APBA1: variants seen among roughly 807,000 people sequenced by gnomAD.
APBA1 encodes the protein amyloid beta precursor protein binding family A member 1.
A neutral mutation model predicts 86.6 loss-of-function variants in APBA1; 55 were observed. The observed-to-expected ratio is 0.64, with a 90% CI of 0.51 to 0.80. The LOEUF is 0.80. Ranked by LOEUF, APBA1 falls within the 30% of genes least tolerant of loss-of-function variation. The probability of loss-of-function intolerance (pLI) is 0.00; values close to 1 mark genes in which losing one functional copy is unlikely to be tolerated. For synonymous variants in APBA1, 511 were observed against 493.9 expected, an observed-to-expected ratio of 1.03 and a Z score of -0.46; for missense variants, 1,090 against 1,183.0, an observed-to-expected ratio of 0.92 and a Z score of 1.15.
rs1290126899 is a variant in APBA1 at position 69,428,159 on chromosome 9, T to G, written c.*3168A>C. On this transcript the variant is annotated 3_prime_UTR_variant, in exon 13 of 13. Coordinates refer to ENST00000265381, the MANE Select transcript of APBA1 (RefSeq NM_001163.4). ...CTGGGTCGAGGGACCCGGGAAGGGC[T>G]CTGTAGATGGTTTTCATCTGTGTGC... 6.6e-6 allele frequency: 1 copy of G among 152,132 alleles called. No individual in the cohort carries two copies. The highest frequency in any genetic ancestry group is 1.9e-4 in the East Asian group (1 of 5,180). 9.4% of individuals were successfully genotyped at this position (152,132 alleles called of 1,614,324 possible).
chr9:69,499,555 C>T (rs1835849597), intron 2 of APBA1, among the ~76,000 whole-genome samples: 1 of 151,844 alleles, frequency 6.6e-6, no homozygotes, highest in Non-Finnish European at 1.5e-5. Flanking sequence ...TTCGCTCGCC[C>T]TTGTAAGCTT....
chr9:69,445,323 G>A (rs1834889117), intron 10 of APBA1, among the ~76,000 whole-genome samples: 1 of 152,154 alleles, frequency 6.6e-6, no homozygotes, highest in South Asian at 2.1e-4. Context: ...ACGAGACCAT[G>A]CATTTGCTCT....
intron 1 of APBA1, among the ~76,000 whole-genome samples, chr9:69,660,527 C>T (rs1200497854): frequency 3.9e-5 from 6 of 152,174 alleles, no homozygotes; most frequent in Non-Finnish European, 8.8e-5. Flanking sequence ...TTTGCTTTTC[C>T]TCTCTGTCCT....
At chr9:69,577,763 T>C (rs1301205591) in intron 1 of APBA1, among the ~76,000 whole-genome samples, 1 of 152,352 alleles carries the variant, frequency 6.6e-6, no homozygotes, top group African/African-American at 2.4e-5. Context: ...CCACTTAAAA[T>C]CATCTGGCTA....
intron 1 of APBA1, among the ~76,000 whole-genome samples, chr9:69,636,922 G>GAAAGAAAGAAA (rs1823183261): frequency 4.7e-5 from 3 of 63,970 alleles, no homozygotes; most frequent in African/African-American, 1.3e-4. Context: ...AAGGAAGGAA[G>GAAAGAAAGAAA]GAAAGAAAGA....
Position 69,658,286 on chromosome 9 carries a change from C to CTT in APBA1, c.-70+13866_-70+13867insAA, listed in dbSNP as rs770180947. Among the ~76,000 whole-genome samples the CTT allele has an allele frequency of 4.6e-3, 343 of 74,190 alleles. 9 individuals are homozygous for CTT. The highest frequency in any genetic ancestry group is 5.8e-3 in the Non-Finnish European group (191 of 32,870). The allele number at this position is 74,190 out of a possible 152,430, so 48.7% of individuals were successfully genotyped here. On this transcript the variant is annotated intron_variant, in intron 1 of 12. Coordinates refer to ENST00000265381, the MANE Select transcript of APBA1 (RefSeq NM_001163.4). ...TTTCTTTCTTTCTTTCTTTCTTTCT[C>CTT]TCTCTCTTTCTCTCTCTCTCTTTCT...
At chr9:69,572,534 C>A (rs1474984199) in intron 1 of APBA1, among the ~76,000 whole-genome samples, 1 of 152,154 alleles carries the variant, frequency 6.6e-6, no homozygotes, top group African/African-American at 2.4e-5. Flanking sequence ...TTTCTAGAAA[C>A]CCCCTCTCAC....
At chr9:69,536,178 T>C (rs1836506820) in intron 1 of APBA1, among the ~76,000 whole-genome samples, 1 of 152,128 alleles carries the variant, frequency 6.6e-6, no homozygotes, top group Admixed American at 6.5e-5. Flanking sequence ...TTTTTTCCTA[T>C]GCAGTGTTTC....
chr9:69,575,080 C>A (rs932852175), intron 1 of APBA1, among the ~76,000 whole-genome samples: 8 of 152,010 alleles, frequency 5.3e-5, no homozygotes, highest in African/African-American at 1.9e-4. Context: ...CCTCTCCTGG[C>A]TAATTTTTGT....
intron 1 of APBA1, among the ~76,000 whole-genome samples, chr9:69,545,943 G>T (rs1168918873): frequency 2.0e-5 from 3 of 152,192 alleles, no homozygotes; most frequent in Admixed American, 6.5e-5. Flanking sequence ...GAAAGAGGGG[G>T]TATTTGAAGA....
In APBA1 at chr9:69,487,528, C is replaced by T. The variant is rs150098988; in HGVS notation, c.1201-11385G>A. Among the ~76,000 whole-genome samples, 4 of 152,198 alleles carry T rather than the reference C, an allele frequency of 2.6e-5. No individual in the cohort carries two copies. The East Asian group carries it at 5.8e-4, about 22-fold the overall frequency. ...TGTGTTAGAAACTTGGTCCCCACTG[C>T]AGCAGTGTTGAGAGGCAGAACTTTT... is the stretch of plus-strand genomic sequence containing the variant. On this transcript the variant is annotated intron_variant, in intron 2 of 12. Coordinates refer to ENST00000265381, the MANE Select transcript of APBA1 (RefSeq NM_001163.4).
chr9:69,517,511 C>T (rs1836187521), intron 1 of APBA1, among the ~76,000 whole-genome samples: 1 of 150,496 alleles, frequency 6.6e-6, no homozygotes, highest in African/African-American at 2.5e-5. Context: ...TCCCACCCCT[C>T]ACACTGAGCG....
chr9:69,663,590 C>T (rs936472171), intron 1 of APBA1, among the ~76,000 whole-genome samples: 3 of 152,096 alleles, frequency 2.0e-5, no homozygotes, highest in Non-Finnish European at 2.9e-5. Flanking sequence ...GAATTGATCT[C>T]GAGATACAAA....
chr9:69,505,665 ACT>A (rs1429075054), intron 2 of APBA1, among the ~76,000 whole-genome samples: 5 of 151,878 alleles, frequency 3.3e-5, no homozygotes, highest in African/African-American at 1.2e-4. Flanking sequence ...GTCTACTGTG[ACT>A]CTGTTCTCGA....
At chr9:69,458,222 T>C (rs769109640) in intron 5 of APBA1, 34 bp from the exon 6 acceptor site, 2 of 1,592,070 alleles carry the variant, frequency 1.3e-6, no homozygotes, top group South Asian at 1.2e-5. Flanking sequence ...GACAGGAGAA[T>C]AGTTAGAAAG....
At chr9:69,604,711 A>G (rs1701234802) in intron 1 of APBA1, among the ~76,000 whole-genome samples, 1 of 130,130 alleles carries the variant, frequency 7.7e-6, no homozygotes, top group African/African-American at 3.4e-5. Flanking sequence ...CATGAGGGTA[A>G]GTGGAGAGGC....
At chr9:69,462,489 T>C (rs942314194) in intron 5 of APBA1, 2 of 152,200 alleles carry the variant, frequency 1.3e-5, no homozygotes, top group African/African-American at 4.8e-5. Flanking sequence ...TCCCAAAACA[T>C]GTTCCAGAGA....
intron 5 of APBA1, among the ~76,000 whole-genome samples, chr9:69,458,581 A>G (rs1178734414): frequency 6.6e-6 from 1 of 152,188 alleles, no homozygotes; most frequent in East Asian, 1.9e-4. Context: ...TCCTGAGATA[A>G]AAACTTAAAT....
chr9:69,455,796 G>A (rs1365844672), intron 8 of APBA1, among the ~76,000 whole-genome samples: 1 of 152,130 alleles, frequency 6.6e-6, no homozygotes, highest in African/African-American at 2.4e-5. Context: ...TCCCAAAGTC[G>A]CTAATAGCTT....
Sources: gnomAD v4.1 joint callset for allele counts (sites outside exome capture counted in the v4.1 genomes callset) on GRCh38, gnomAD v4.1.1 for gene constraint, MANE v1.5 for transcripts, NCBI Gene and HGNC (gene_info 2026-07-23, HGNC 2026-07-21) for gene names.